CERK: variants seen among roughly 807,000 people sequenced by gnomAD.
CERK encodes the protein ceramide kinase, also known as acylsphingosine kinase.
CERK carries 39 observed loss-of-function variants against 63.4 expected under a neutral mutation model. The ratio of observed to expected loss-of-function variants is 0.61; its 90% CI spans 0.48 to 0.80. The LOEUF is 0.80. Among genes scored for constraint, CERK ranks in the 30% least tolerant of loss-of-function variants. The probability of loss-of-function intolerance (pLI) is 0.00; values close to 1 mark genes in which losing one functional copy is unlikely to be tolerated. For synonymous variants in CERK, 302 were observed against 280.0 expected, an observed-to-expected ratio of 1.08 and a Z score of -0.78; for missense variants, 670 against 714.1, an observed-to-expected ratio of 0.94 and a Z score of 0.70.
intron 4 of CERK, among the ~76,000 whole-genome samples, 153 bp from the exon 5 acceptor site, chr22:46,711,302 T>C (rs1439478335): frequency 6.6e-6 from 1 of 152,162 alleles, no homozygotes; most frequent in African/African-American, 2.4e-5. Flanking sequence ...ATCGCTCTTA[T>C]GGGACGGGAT....
At chr22:46,734,067 C>CATATATATATAT (rs59207182) in intron 1 of CERK, among the ~76,000 whole-genome samples, 3 of 145,394 alleles carry the variant, frequency 2.1e-5, no homozygotes, top group African/African-American at 7.6e-5. Flanking sequence ...TACATACATA[C>CATATATATATAT]ATATATATAT....
At chr22:46,719,975 C>T (rs2082883983) in intron 3 of CERK, 111 bp downstream of exon 3, 1 of 1,423,920 alleles carries the variant, frequency 7.0e-7, no homozygotes, top group African/African-American at 1.4e-5. Flanking sequence ...TCATGTCCAC[C>T]TGGGGTATGG....
intron 10 of CERK, among the ~76,000 whole-genome samples, chr22:46,692,005 C>T (rs992985221): frequency 2.0e-5 from 3 of 152,228 alleles, no homozygotes; most frequent in Non-Finnish European, 4.4e-5. Flanking sequence ...GACTGTTGTC[C>T]CTCTCCTCAC....
Position 46,684,595 on chromosome 22 carries a change from C to T in CERK, c.*2539G>A, listed in dbSNP as rs2082689332. 1.3e-5 allele frequency: 2 copies of T among 152,186 alleles called. No homozygotes were observed. Among genetic ancestry groups the T allele is most frequent in the Non-Finnish European group, 1.5e-5 (1 of 68,032 alleles). 9.4% of individuals were successfully genotyped at this position (152,186 alleles called of 1,614,324 possible). Reference sequence around the variant, plus strand: ...GGCCTCACTTCTTAATTAGAATAAACTAGAATCAGGTCCATTGCATAACTG... The same window carrying T: ...GGCCTCACTTCTTAATTAGAATAAATTAGAATCAGGTCCATTGCATAACTG... On this transcript the variant is annotated 3_prime_UTR_variant, in exon 13 of 13. Transcript: ENST00000216264.
intron 4 of CERK, 106 bp downstream of exon 4, chr22:46,712,062 G>A: frequency 7.7e-7 from 1 of 1,297,342 alleles, no homozygotes; most frequent in Non-Finnish European, 1.1e-6. Flanking sequence ...ACTCCAGCCT[G>A]GGCAACAGAG....
At chr22:46,698,058 G>A (rs2082765021) in intron 8 of CERK, among the ~76,000 whole-genome samples, 1 of 152,196 alleles carries the variant, frequency 6.6e-6, no homozygotes, top group African/African-American at 2.4e-5. Flanking sequence ...GATGCTCTGG[G>A]GGGTCCCCGC....
chr22:46,691,430 A>T, intron 11 of CERK, 142 bp downstream of exon 11: 1 of 681,548 alleles, frequency 1.5e-6, no homozygotes, highest in Non-Finnish European at 2.5e-6. Context: ...CCAGGAGTTT[A>T]AAGTTTGTGA....
At chr22:46,729,653 A>C (rs2082935955) in intron 1 of CERK, among the ~76,000 whole-genome samples, 1 of 152,182 alleles carries the variant, frequency 6.6e-6, no homozygotes, top group Admixed American at 6.5e-5. Flanking sequence ...TCAGCACACC[A>C]AGAACCAGGA....
At chr22:46,725,712 T>C (rs1312654604) in intron 1 of CERK, among the ~76,000 whole-genome samples, 2 of 152,230 alleles carry the variant, frequency 1.3e-5, no homozygotes, top group African/African-American at 4.8e-5. Flanking sequence ...AATGATCAAA[T>C]GGCCATCACA....
Position 46,711,790 on chromosome 22 carries a change from A to G in CERK, c.505+378T>C, listed in dbSNP as rs373886597. On this transcript the variant is annotated intron_variant, in intron 4 of 12. Transcript: ENST00000216264. ...TCTATTTTGTTTAAAATAATCTTACAGGATAAAAATCTTGGGCTGGGCACA... is the reference window on the plus strand; with the variant it reads ...TCTATTTTGTTTAAAATAATCTTACGGGATAAAAATCTTGGGCTGGGCACA... 2.0e-5 allele frequency among the ~76,000 whole-genome samples: 3 copies of G among 152,370 alleles called. No homozygotes were observed. The East Asian group carries it at 5.8e-4, about 29-fold the overall frequency.
chr22:46,724,999 C>A (rs987982260), intron 1 of CERK, among the ~76,000 whole-genome samples: 3 of 151,096 alleles, frequency 2.0e-5, no homozygotes, highest in African/African-American at 7.3e-5. Flanking sequence ...CCAGCCTGGG[C>A]GAAAGACAGC....
intron 1 of CERK, among the ~76,000 whole-genome samples, chr22:46,723,932 A>G (rs1350929893): frequency 2.6e-5 from 4 of 152,076 alleles, no homozygotes; most frequent in Non-Finnish European, 5.9e-5. Flanking sequence ...TCCTGACCTC[A>G]GGTGATCTGC....
At chr22:46,700,782 C>T (rs778169284) in intron 7 of CERK, among the ~76,000 whole-genome samples, 65 of 151,862 alleles carry the variant, frequency 4.3e-4, no homozygotes, top group Non-Finnish European at 8.7e-4. Flanking sequence ...AAGGCCGAGG[C>T]GGGTGGATCA....
chr22:46,702,216 T>A (rs11703470), intron 6 of CERK, among the ~76,000 whole-genome samples: 599 of 55,694 alleles, frequency 0.011, 11 homozygotes, highest in Middle Eastern at 0.027. Flanking sequence ...GTTAAAAAAA[T>A]ATATATATGT....
intron 1 of CERK, among the ~76,000 whole-genome samples, chr22:46,722,317 A>C (rs1381118357): frequency 1.3e-5 from 2 of 152,188 alleles, no homozygotes; most frequent in Non-Finnish European, 2.9e-5. Flanking sequence ...TGGGCCTTTG[A>C]GCACTGTAGA....
rs1181096165 is a variant in CERK, at chr22:46,710,842, A to G, written c.569+244T>C. Reference sequence around the variant, plus strand: ...AGCACCGCATAAGCACATCTTCTGAAAGACCGAAAGGGAACAGAACCAGCA... The same window carrying G: ...AGCACCGCATAAGCACATCTTCTGAGAGACCGAAAGGGAACAGAACCAGCA... On this transcript the variant is annotated intron_variant, in intron 5 of 12. Transcript: ENST00000216264. Among the ~76,000 whole-genome samples, 3 of 152,210 alleles carry G rather than the reference A, an allele frequency of 2.0e-5. No individual in the cohort carries two copies. In the East Asian group the frequency reaches 5.8e-4, roughly 29 times the overall value.
At chr22:46,725,309 T>C (rs1408832715) in intron 1 of CERK, among the ~76,000 whole-genome samples, 3 of 152,062 alleles carry the variant, frequency 2.0e-5, no homozygotes, top group African/African-American at 7.2e-5. Context: ...AGGAAACACT[T>C]GCCAGCGTCC....
At chr22:46,719,967 A>G in intron 3 of CERK, 119 bp downstream of exon 3, 1 of 1,353,316 alleles carries the variant, frequency 7.4e-7, no homozygotes, top group African/African-American at 1.4e-5. Context: ...CTGACTCATC[A>G]TGTCCACCTG....
chr22:46,712,474 T>A (rs1412018975), intron 3 of CERK, among the ~76,000 whole-genome samples, 181 bp from the exon 4 acceptor site: 1 of 152,054 alleles, frequency 6.6e-6, no homozygotes, highest in Non-Finnish European at 1.5e-5. Flanking sequence ...AAAGAGAAAA[T>A]CAACAGGTTG....
Sources: allele counts gnomAD v4.1 joint callset (sites outside exome capture counted in the v4.1 genomes callset), GRCh38; gene constraint gnomAD v4.1.1; transcripts MANE v1.5; gene names NCBI Gene and HGNC (gene_info 2026-07-23, HGNC 2026-07-21).